Variants in BNIP3 observed in about 807,000 individuals in gnomAD.
The protein encoded by BNIP3 is BCL2 interacting protein 3.
Under a neutral mutation model 23.9 loss-of-function variants are expected in BNIP3, and 16 were observed. The ratio of observed to expected loss-of-function variants is 0.67; its 90% confidence interval spans 0.45 to 1.01. BNIP3 has a LOEUF of 1.01. Ranked by LOEUF, BNIP3 falls within the 50% of genes least tolerant of loss-of-function variation. The pLI is 0.00. For synonymous variants in BNIP3, 81 were observed against 89.3 expected (o/e 0.91, Z 0.53); for missense variants, 198 against 248.7 (o/e 0.80, Z 1.37).
chr10:131,972,756 C>T (rs1026011842), intron 3 of BNIP3, among the ~76,000 whole-genome samples: 2 of 152,226 alleles, frequency 1.3e-5, no homozygotes, highest in East Asian at 1.9e-4. Context: ...TCCTCCTTTC[C>T]GGTGTATCCC....
chr10:131,973,527 G>C (rs140379436), intron 2 of BNIP3: 1 of 528,080 alleles, frequency 1.9e-6, no homozygotes, highest in Non-Finnish European at 3.4e-6. Flanking sequence ...GCGTGAGTGC[G>C]TTTCTCAGAG....
At chr10:131,978,278 A>C (rs1376134791) in intron 1 of BNIP3, among the ~76,000 whole-genome samples, 1 of 152,112 alleles carries the variant, frequency 6.6e-6, no homozygotes, top group Non-Finnish European at 1.5e-5. Context: ...CCTAGACTAT[A>C]AATATTTATA....
chr10:131,975,847 C>T (rs143283998), intron 1 of BNIP3, among the ~76,000 whole-genome samples: 3 of 152,338 alleles, frequency 2.0e-5, no homozygotes, highest in African/African-American at 4.8e-5. Flanking sequence ...CATGTCCTGG[C>T]CTACACGAAG....
intron 1 of BNIP3, among the ~76,000 whole-genome samples, chr10:131,975,355 T>G (rs2037071890): frequency 6.6e-6 from 1 of 152,228 alleles, no homozygotes; most frequent in South Asian, 2.1e-4. Context: ...AGGAGCTTCC[T>G]CTGGTAGCGT....
In BNIP3 at chr10:131,973,014, A is replaced by C; in HGVS notation, c.282+20T>G. ...AGATCACAAATACTTTTACAACTGC[A>C]CATTCTCCTTCCAGCTTACCTGTGA... On this transcript the variant is annotated intron_variant, in intron 3 of 5. Coordinates refer to ENST00000368636, the MANE Select transcript of BNIP3 (RefSeq NM_004052.4). 6.2e-7 allele frequency: 1 copy of C among 1,600,862 alleles called. No homozygotes were observed. Among genetic ancestry groups the C allele is most frequent in the Non-Finnish European group, 8.6e-7 (1 of 1,168,100 alleles).
In BNIP3 at chr10:131,973,785, G is replaced by A. The variant is rs549178574; in HGVS notation, c.197+8C>T. ...CTGTAACACATACACTTGTTGATGC[G>A]CGCCTACCTGTCACAGTGAGAGCTC... is the stretch of plus-strand genomic sequence containing the variant. On this transcript the variant is annotated splice_region_variant and intron_variant, in intron 2 of 5. Coordinates refer to ENST00000368636, the MANE Select transcript of BNIP3 (RefSeq NM_004052.4). 28 of 1,611,888 alleles carry A rather than the reference G, an allele frequency of 1.7e-5. No individual in the cohort carries two copies. Among genetic ancestry groups the A allele is most frequent in the African/African-American group, 1.3e-4 (10 of 74,858 alleles).
At position 131,976,090 on chromosome 10, in the gene BNIP3, G is replaced by A. The variant is rs1036658957; in HGVS notation, c.47-2147C>T. 6.6e-6 allele frequency among the ~76,000 whole-genome samples: 1 copy of A among 152,194 alleles called. No individual in the cohort carries two copies. The highest frequency in any genetic ancestry group is 1.5e-5 in the Non-Finnish European group (1 of 68,034). ...TGCGGTTCAAGATGCCATGCGGCCGGCTAGCCATGGCCTGCCCCTGAGAGA... is the reference window on the plus strand; with the variant it reads ...TGCGGTTCAAGATGCCATGCGGCCGACTAGCCATGGCCTGCCCCTGAGAGA... On this transcript the variant is annotated intron_variant, in intron 1 of 5. Transcript: ENST00000368636. The surrounding 1 kb of genome is among the most constrained non-coding windows in gnomAD (Gnocchi z 4.3).
intron 3 of BNIP3, among the ~76,000 whole-genome samples, chr10:131,972,257 C>CTTCT (rs2037041718): frequency 6.6e-6 from 1 of 152,172 alleles, no homozygotes; most frequent in Admixed American, 6.5e-5. Context: ...TAGCTGTTAA[C>CTTCT]AGAAAAGTCA....
chr10:131,979,208 T>C (rs749497595), intron 1 of BNIP3, among the ~76,000 whole-genome samples: 2 of 152,224 alleles, frequency 1.3e-5, no homozygotes, highest in Admixed American at 6.5e-5. Flanking sequence ...TAGAACCTCA[T>C]TGTGACCATC....
At chr10:131,973,201 A>G (rs2037053794) in intron 2 of BNIP3, 83 bp from the exon 3 acceptor site, 1 of 1,414,788 alleles carries the variant, frequency 7.1e-7, no homozygotes, top group Admixed American at 1.7e-5. Flanking sequence ...AAGGCAGTGA[A>G]CCGCCTCCGT....
chr10:131,981,904 C>A lies in BNIP3; in HGVS notation c.-98G>T. The A allele has an allele frequency of 7.6e-7, 1 of 1,314,380 alleles. No individual in the cohort carries two copies. Among genetic ancestry groups the A allele is most frequent in the South Asian group, 1.8e-5 (1 of 55,874 alleles). 81.4% of individuals were successfully genotyped at this position (1,314,380 alleles called of 1,614,324 possible). ...GAAAGCGGAGGTCGGAGCGCCGCGGCCCAGCTGCGCTCCCGGACTGAGCGG... is the reference window on the plus strand; with the variant it reads ...GAAAGCGGAGGTCGGAGCGCCGCGGACCAGCTGCGCTCCCGGACTGAGCGG... On this transcript the variant is annotated 5_prime_UTR_variant, in exon 1 of 6. Coordinates refer to ENST00000368636, the MANE Select transcript of BNIP3 (RefSeq NM_004052.4).
chr10:131,968,678 G>A (rs2133687024), intron 5 of BNIP3, 109 bp from the exon 6 acceptor site: 1 of 886,966 alleles, frequency 1.1e-6, no homozygotes, highest in Non-Finnish European at 1.8e-6. Context: ...AAGGGGACTG[G>A]TGATTTTATA....
chr10:131,970,861 C>G lies in BNIP3; in HGVS notation c.389+3G>C. 4 of 1,614,246 alleles carry G rather than the reference C, an allele frequency of 2.5e-6. No individual in the cohort carries two copies. The highest frequency in any genetic ancestry group is 3.4e-6 in the Non-Finnish European group (4 of 1,180,044). ...GCCCCCGTGACACTGAGAACACACT[C>G]ACTTGGGGGGAATATTTTCCGGCCG... On this transcript the variant is annotated splice_donor_region_variant and intron_variant, in intron 4 of 5. Coordinates refer to ENST00000368636, the MANE Select transcript of BNIP3 (RefSeq NM_004052.4). The surrounding 1 kb of genome is among the most constrained non-coding windows in gnomAD (Gnocchi z 4.1).
rs1267570459 is a variant in BNIP3 at position 131,967,946 on chromosome 10, G to A, written c.*578C>T. ...CAAAAGCAAGAAGAGTTTAGTGTAC[G>A]AACTGTACAGCTGAGTTTGTAGCTC... On this transcript the variant is annotated 3_prime_UTR_variant, in exon 6 of 6. Transcript: ENST00000368636. 2 of 152,320 alleles carry A rather than the reference G, an allele frequency of 1.3e-5. No individual in the cohort carries two copies. The highest frequency in any genetic ancestry group is 2.1e-4 in the South Asian group (1 of 4,836). 9.4% of individuals were successfully genotyped at this position (152,320 alleles called of 1,614,324 possible).
chr10:131,974,763 T>C (rs953134591), intron 1 of BNIP3, among the ~76,000 whole-genome samples: 2 of 152,260 alleles, frequency 1.3e-5, no homozygotes, highest in African/African-American at 2.4e-5. Flanking sequence ...TTGCTAGCCA[T>C]CTGGATAGCA....
At chr10:131,968,617 A>G (rs1564833847) in intron 5 of BNIP3, 48 bp from the exon 6 acceptor site, 1 of 1,507,262 alleles carries the variant, frequency 6.6e-7, no homozygotes, top group Non-Finnish European at 9.2e-7. Flanking sequence ...GATTCACAGG[A>G]GACTGTGTTA....
In BNIP3 at chr10:131,970,614, G is replaced by A. The variant is rs760681985; in HGVS notation, c.539+24C>T. 1.1e-5 allele frequency: 17 copies of A among 1,611,282 alleles called. No individual in the cohort carries two copies. The Admixed American group carries it at 2.5e-4, about 24-fold the overall frequency. Reference sequence around the variant, plus strand: ...ATCGCCCCACGACATGCCATGACAGGAGTCACACAGTCACATCACCTACCC... The same window carrying A: ...ATCGCCCCACGACATGCCATGACAGAAGTCACACAGTCACATCACCTACCC... On this transcript the variant is annotated intron_variant, in intron 5 of 5. Coordinates refer to ENST00000368636, the MANE Select transcript of BNIP3 (RefSeq NM_004052.4). This position sits in a 1 kb window ranked among gnomAD's most constrained non-coding sequence, Gnocchi z 4.1.
At chr10:131,974,014 C>A in intron 1 of BNIP3, 71 bp from the exon 2 acceptor site, 1 of 1,579,894 alleles carries the variant, frequency 6.3e-7, no homozygotes, top group Non-Finnish European at 8.6e-7. Context: ...TGATATCTAA[C>A]CAGCCTGCCC....
At chr10:131,971,142 G>GGCCGC (rs2037028884) in intron 3 of BNIP3, 172 bp from the exon 4 acceptor site, 1 of 633,502 alleles carries the variant, frequency 1.6e-6, no homozygotes. Flanking sequence ...GCCTTCCCCG[G>GGCCGC]GCCGCGCCGC....
Sources: allele counts gnomAD v4.1 joint callset (sites outside exome capture counted in the v4.1 genomes callset), GRCh38; gene constraint gnomAD v4.1.1; non-coding constraint Gnocchi (gnomAD v3.1); transcripts MANE v1.5; gene names NCBI Gene and HGNC (gene_info 2026-07-23, HGNC 2026-07-21).